Variants in STXBP4 observed in about 807,000 individuals in gnomAD.
STXBP4 encodes the protein syntaxin-binding protein 4.
A neutral mutation model predicts 76.1 loss-of-function variants in STXBP4; 55 were observed. The observed-to-expected ratio is 0.72, with a 90% confidence interval of 0.58 to 0.91. STXBP4 has a LOEUF of 0.91. Among genes scored for constraint, STXBP4 ranks in the 40% least tolerant of loss-of-function variants. The pLI, the probability that STXBP4 is intolerant of heterozygous loss-of-function variation, is 0.00. For synonymous variants in STXBP4, 201 were observed against 220.2 expected, an observed-to-expected ratio of 0.91 and a Z score of 0.77; for missense variants, 618 against 636.9, an observed-to-expected ratio of 0.97 and a Z score of 0.32.
intron 16 of STXBP4, among the ~76,000 whole-genome samples, chr17:55,125,039 G>C (rs1446594628): frequency 2.0e-5 from 3 of 152,182 alleles, no homozygotes; most frequent in African/African-American, 7.2e-5. Flanking sequence ...TAGCAGGGGT[G>C]AGAGCTTTAC....
chr17:55,115,004 A>G (rs182786787), intron 16 of STXBP4, among the ~76,000 whole-genome samples: 2 of 152,050 alleles, frequency 1.3e-5, no homozygotes, highest in Non-Finnish European at 2.9e-5. Context: ...TTTATTGAAA[A>G]TGTTTTTGCC....
At chr17:55,085,977 A>G (rs1222999116) in intron 16 of STXBP4, among the ~76,000 whole-genome samples, 1 of 152,334 alleles carries the variant, frequency 6.6e-6, no homozygotes, top group East Asian at 1.9e-4. Context: ...AATTTTATAT[A>G]TCAGACATTT....
intron 8 of STXBP4, among the ~76,000 whole-genome samples, chr17:55,014,172 A>G (rs2078163156): frequency 1.3e-5 from 2 of 152,248 alleles, no homozygotes; most frequent in Non-Finnish European, 1.5e-5. Context: ...CTAAGTGGGT[A>G]CTGCCTTTAG....
At chr17:55,200,066 T>A in the STXBP4 span, among the ~76,000 whole-genome samples, 59 of 152,366 alleles carry the variant, frequency 3.9e-4, no homozygotes, top group Admixed American at 1.6e-3. Flanking sequence ...TAAAGTTCCT[T>A]TGTTGCACTG....
the STXBP4 span, among the ~76,000 whole-genome samples, chr17:55,205,179 A>G: frequency 6.6e-6 from 1 of 152,168 alleles, no homozygotes; most frequent in Middle Eastern, 3.4e-3. Flanking sequence ...TTATATTATA[A>G]AGTTTTAGTA....
intron 8 of STXBP4, among the ~76,000 whole-genome samples, chr17:55,017,195 C>T (rs757406655): frequency 2.0e-5 from 3 of 152,142 alleles, no homozygotes; most frequent in African/African-American, 4.8e-5. Context: ...TTTCTCTCTT[C>T]GACTCTCTTT....
intron 8 of STXBP4, among the ~76,000 whole-genome samples, chr17:55,026,017 C>G (rs1156772284): frequency 6.6e-6 from 1 of 151,942 alleles, no homozygotes; most frequent in Non-Finnish European, 1.5e-5. Flanking sequence ...TTTACAATAG[C>G]ATCTAAAAGA....
chr17:55,095,525 A>G (rs915845294), intron 16 of STXBP4, among the ~76,000 whole-genome samples: 2 of 152,234 alleles, frequency 1.3e-5, no homozygotes, highest in Admixed American at 6.5e-5. Context: ...AAATGTGTGC[A>G]GTAACAGTCT....
At chr17:55,108,001 T>C (rs941006264) in intron 16 of STXBP4, among the ~76,000 whole-genome samples, 2 of 152,246 alleles carry the variant, frequency 1.3e-5, no homozygotes, top group African/African-American at 2.4e-5. Context: ...CATTTAAGTC[T>C]GCTGAAGCTG....
intron 16 of STXBP4, among the ~76,000 whole-genome samples, chr17:55,082,200 C>T (rs1037080464): frequency 6.6e-6 from 1 of 152,148 alleles, no homozygotes; most frequent in African/African-American, 2.4e-5. Flanking sequence ...GATGCCTGCA[C>T]CTAAACAGAG....
At chr17:55,001,568 G>A (rs1330017814) in intron 7 of STXBP4, among the ~76,000 whole-genome samples, 1 of 151,966 alleles carries the variant, frequency 6.6e-6, no homozygotes, top group Admixed American at 6.6e-5. Flanking sequence ...AATTATATAT[G>A]CCTAATTATA....
intron 17 of STXBP4, among the ~76,000 whole-genome samples, chr17:55,152,111 C>A (rs887444995): frequency 1.3e-5 from 2 of 152,150 alleles, no homozygotes; most frequent in Non-Finnish European, 2.9e-5. Flanking sequence ...GTCTGATCCT[C>A]CATTATAAGT....
chr17:55,089,796 A>C (rs1226733997), intron 16 of STXBP4, among the ~76,000 whole-genome samples: 1 of 152,210 alleles, frequency 6.6e-6, no homozygotes, highest in Non-Finnish European at 1.5e-5. Context: ...CAGGTAACCC[A>C]TATGAGGTCT....
intron 8 of STXBP4, among the ~76,000 whole-genome samples, chr17:55,018,068 G>A (rs563336131): frequency 2.0e-5 from 3 of 152,176 alleles, no homozygotes; most frequent in Admixed American, 6.5e-5. Context: ...GGCAAGCCTC[G>A]TGTTCTCTGA....
chr17:54,979,799 C>T (rs2077523935), intron 1 of STXBP4, among the ~76,000 whole-genome samples: 2 of 152,280 alleles, frequency 1.3e-5, no homozygotes, highest in East Asian at 3.9e-4. Flanking sequence ...CTGTCCTTCC[C>T]TTTCCTTCTG....
chr17:55,069,170 A>AT lies in STXBP4; in HGVS notation c.1012-3730_1012-3729insT, dbSNP rs2079091315. ...AGTGTTGCCAAAAAAAAAAAAAAAA[A>AT]AATAAGCTAGAGATTTTACTTCTTA... On this transcript the variant is annotated intron_variant, in intron 12 of 17. Coordinates refer to ENST00000376352, the MANE Select transcript of STXBP4 (RefSeq NM_178509.6). Among the ~76,000 whole-genome samples the AT allele has an allele frequency of 4.6e-5, 7 of 152,004 alleles. No homozygotes were observed. The South Asian group carries it at 1.5e-3, about 32-fold the overall frequency.
intron 7 of STXBP4, among the ~76,000 whole-genome samples, chr17:55,002,100 A>G (rs2077930659): frequency 6.6e-6 from 1 of 152,158 alleles, no homozygotes; most frequent in African/African-American, 2.4e-5. Flanking sequence ...CTCTTACATA[A>G]TTAATTTCCA....
chr17:55,085,889 G>A (rs2079320268), intron 16 of STXBP4, among the ~76,000 whole-genome samples: 1 of 152,056 alleles, frequency 6.6e-6, no homozygotes, highest in Non-Finnish European at 1.5e-5. Context: ...ACTCCTAAGA[G>A]CTAATTATGT....
chr17:54,975,853 G>A (rs1190827080), intron 1 of STXBP4, among the ~76,000 whole-genome samples: 3 of 152,008 alleles, frequency 2.0e-5, no homozygotes, highest in African/African-American at 7.3e-5. Context: ...TTCTCTGCCT[G>A]GAATGCTTTG....
Sources: allele counts gnomAD v4.1 joint callset (sites outside exome capture counted in the v4.1 genomes callset), GRCh38; gene constraint gnomAD v4.1.1; transcripts MANE v1.5; gene names NCBI Gene and HGNC (gene_info 2026-07-23, HGNC 2026-07-21).